The following MAP4K3 variants were observed in gnomAD, a reference collection of about 807,000 sequenced individuals.
The protein encoded by MAP4K3 is MAPK/ERK kinase kinase kinase 3.
MAP4K3 carries 94 observed loss-of-function variants against 143.5 expected under a neutral mutation model. The ratio of observed to expected loss-of-function variants is 0.65; its 90% CI spans 0.55 to 0.78. The LOEUF is 0.78. Ranked by LOEUF, MAP4K3 falls within the 30% of genes least tolerant of loss-of-function variation. The pLI, the probability that MAP4K3 is intolerant of heterozygous loss-of-function variation, is 0.00. For synonymous variants in MAP4K3, 416 were observed against 347.2 expected (o/e 1.20, Z -2.20); for missense variants, 1,077 against 1,068.1 (o/e 1.01, Z -0.12).
chr2:39,278,798 A>G (rs1379344332), intron 23 of MAP4K3, among the ~76,000 whole-genome samples: 1 of 152,182 alleles, frequency 6.6e-6, no homozygotes, highest in Non-Finnish European at 1.5e-5. Flanking sequence ...AAAACCCCCT[A>G]AAGACAGGAT....
chr2:39,282,775 C>G (rs1681593476), intron 21 of MAP4K3, among the ~76,000 whole-genome samples: 1 of 152,144 alleles, frequency 6.6e-6, no homozygotes, highest in Admixed American at 6.6e-5. Context: ...CCAAATCTTT[C>G]TCTAGTGAAT....
At chr2:39,397,817 C>A (rs1039908814) in intron 1 of MAP4K3, among the ~76,000 whole-genome samples, 3 of 151,912 alleles carry the variant, frequency 2.0e-5, no homozygotes, top group African/African-American at 7.3e-5. Flanking sequence ...TTCTTAGAAA[C>A]AGAGGAGATA....
intron 33 of MAP4K3, 149 bp downstream of exon 33, chr2:39,251,681 A>C (rs1002754158): frequency 7.6e-5 from 48 of 634,684 alleles, no homozygotes; most frequent in Middle Eastern, 4.3e-4. Context: ...TCAAAGGCTA[A>C]CTTTCTGACC....
intron 8 of MAP4K3, among the ~76,000 whole-genome samples, chr2:39,328,835 T>C (rs1683590360): frequency 6.6e-6 from 1 of 152,214 alleles, no homozygotes; most frequent in African/African-American, 2.4e-5. Context: ...CTTGATTCTA[T>C]ATCAAAAGAC....
intron 1 of MAP4K3, among the ~76,000 whole-genome samples, chr2:39,434,555 T>G (rs978638395): frequency 1.3e-5 from 2 of 152,256 alleles, no homozygotes; most frequent in Admixed American, 1.3e-4. Flanking sequence ...ACTCAGAGTG[T>G]GGCTACAACT....
intron 12 of MAP4K3, among the ~76,000 whole-genome samples, chr2:39,316,133 G>A (rs1683106839): frequency 6.6e-6 from 1 of 151,838 alleles, no homozygotes; most frequent in Non-Finnish European, 1.5e-5. Flanking sequence ...CCATGAGTAG[G>A]AAACATACCA....
chr2:39,276,044 T>C (rs1681236264), intron 24 of MAP4K3, among the ~76,000 whole-genome samples: 1 of 152,116 alleles, frequency 6.6e-6, no homozygotes, highest in South Asian at 2.1e-4. Context: ...GGCTAATTTT[T>C]GTATTTTTAA....
At chr2:39,363,849 C>A (rs1665839939) in intron 2 of MAP4K3, among the ~76,000 whole-genome samples, 1 of 149,694 alleles carries the variant, frequency 6.7e-6, no homozygotes, top group South Asian at 2.1e-4. Context: ...TTTTTAAGAG[C>A]AAAGGACTTG....
At chr2:39,268,792 A>C (rs1415688962) in intron 26 of MAP4K3, among the ~76,000 whole-genome samples, 2 of 151,910 alleles carry the variant, frequency 1.3e-5, no homozygotes, top group African/African-American at 2.4e-5. Context: ...GGCATCAGCC[A>C]CCACACCCAA....
chr2:39,434,859 AG>A (rs1310618509), intron 1 of MAP4K3, among the ~76,000 whole-genome samples: 1 of 152,220 alleles, frequency 6.6e-6, no homozygotes, highest in Non-Finnish European at 1.5e-5. Flanking sequence ...CATAAACATC[AG>A]CTAGTATTAT....
At chr2:39,433,090 C>CT (rs1388512758) in intron 1 of MAP4K3, among the ~76,000 whole-genome samples, 18 of 152,322 alleles carry the variant, frequency 1.2e-4, no homozygotes, top group African/African-American at 4.3e-4. Flanking sequence ...CTTTAACCTA[C>CT]TCATGGTATG....
intron 28 of MAP4K3, among the ~76,000 whole-genome samples, chr2:39,263,565 C>T (rs563915156): frequency 8.6e-5 from 13 of 151,826 alleles, no homozygotes; most frequent in Non-Finnish European, 1.8e-4. Flanking sequence ...AAGCGTGAGC[C>T]ACCGCGCCCG....
At chr2:39,404,699 A>G (rs2148611601) in intron 1 of MAP4K3, among the ~76,000 whole-genome samples, 1 of 135,792 alleles carries the variant, frequency 7.4e-6, no homozygotes, top group Admixed American at 8.8e-5. Context: ...TCGGCTGACC[A>G]CAACCTCTGC....
intron 3 of MAP4K3, among the ~76,000 whole-genome samples, chr2:39,353,851 C>G (rs913444873): frequency 2.0e-5 from 3 of 152,080 alleles, no homozygotes; most frequent in Non-Finnish European, 2.9e-5. Flanking sequence ...CGTAGTTACC[C>G]AGGAAGTACT....
chr2:39,392,255 C>T (rs891495693), intron 1 of MAP4K3, among the ~76,000 whole-genome samples: 3 of 150,306 alleles, frequency 2.0e-5, no homozygotes, highest in African/African-American at 7.3e-5. Context: ...TTCTCTAACC[C>T]GTATCCCTGG....
chr2:39,322,256 A>G (rs1158017781), intron 12 of MAP4K3, among the ~76,000 whole-genome samples: 1 of 152,184 alleles, frequency 6.6e-6, no homozygotes, highest in Admixed American at 6.5e-5. Flanking sequence ...AAAACAGGTA[A>G]CATGCAGGTT....
intron 1 of MAP4K3, among the ~76,000 whole-genome samples, chr2:39,385,469 T>G (rs1666472041): frequency 6.6e-6 from 1 of 150,720 alleles, no homozygotes; most frequent in Admixed American, 6.6e-5. Context: ...TTACCTGCCA[T>G]CCTTTGATGA....
At chr2:39,252,390 G>C (rs1402588405) in intron 32 of MAP4K3, among the ~76,000 whole-genome samples, 1 of 152,232 alleles carries the variant, frequency 6.6e-6, no homozygotes, top group Non-Finnish European at 1.5e-5. Context: ...TGCAAGATGG[G>C]ATAGAAAAGA....
At chr2:39,356,170 T>A (rs769603207) in intron 3 of MAP4K3, 79 bp downstream of exon 3, 4 of 831,232 alleles carry the variant, frequency 4.8e-6, no homozygotes, top group Non-Finnish European at 7.7e-6. Flanking sequence ...AAACATGGTA[T>A]TAAAACTAAC....
Sources: gnomAD v4.1 joint callset for allele counts (sites outside exome capture counted in the v4.1 genomes callset) on GRCh38, gnomAD v4.1.1 for gene constraint, MANE v1.5 for transcripts, NCBI Gene and HGNC (gene_info 2026-07-23, HGNC 2026-07-21) for gene names.